DCDC1: variants seen among roughly 807,000 people sequenced by gnomAD.
DCDC1 encodes the protein doublecortin domain containing 1, also known as doublecortin domain-containing protein 1.
In DCDC1, 200 loss-of-function variants were observed where a neutral mutation model predicts 178.3. The ratio of observed to expected loss-of-function variants is 1.12; its 90% confidence interval spans 1.00 to 1.26. The LOEUF is 1.26. Among genes scored for constraint, DCDC1 ranks in the 50% most tolerant of loss-of-function variants. DCDC1 has a pLI of 0.00. For synonymous variants in DCDC1, 690 were observed against 604.8 expected, an observed-to-expected ratio of 1.14 and a Z score of -2.07; for missense variants, 1,983 against 1,749.2, an observed-to-expected ratio of 1.13 and a Z score of -2.38.
intron 7 of DCDC1, among the ~76,000 whole-genome samples, chr11:31,289,401 T>C (rs1947062126): frequency 6.6e-6 from 1 of 152,006 alleles, no homozygotes. Context: ...CTTAATATCA[T>C]AATCAAAATC....
intron 38 of DCDC1, among the ~76,000 whole-genome samples, chr11:30,872,863 G>A (rs599253): frequency 0.012 from 1,770 of 151,768 alleles, 28 homozygotes; most frequent in African/African-American, 0.04. Context: ...ATTTTATTTG[G>A]GTATTTAACT....
intron 20 of DCDC1, among the ~76,000 whole-genome samples, chr11:30,974,602 A>G (rs72882645): frequency 0.014 from 2,077 of 152,244 alleles, 22 homozygotes; most frequent in Non-Finnish European, 0.022. Flanking sequence ...CGCAAACTGG[A>G]AAACCTAGAG....
At chr11:31,090,327 T>C (rs977898573) in intron 17 of DCDC1, among the ~76,000 whole-genome samples, 1 of 152,140 alleles carries the variant, frequency 6.6e-6, no homozygotes, top group African/African-American at 2.4e-5. Flanking sequence ...ACTGACAGTG[T>C]AGTGTTGTGG....
chr11:31,154,848 C>T (rs1389014438), intron 9 of DCDC1, among the ~76,000 whole-genome samples: 3 of 152,128 alleles, frequency 2.0e-5, no homozygotes, highest in Non-Finnish European at 2.9e-5. Context: ...CTCTGGAGCG[C>T]GAGTGTCCAT....
intron 7 of DCDC1, among the ~76,000 whole-genome samples, chr11:31,277,259 C>T (rs1406868267): frequency 1.3e-5 from 2 of 152,004 alleles, no homozygotes; most frequent in South Asian, 2.1e-4. Flanking sequence ...CCACAATGCT[C>T]GTTCCTTTTT....
chr11:31,252,271 A>C (rs1312248559), intron 8 of DCDC1, among the ~76,000 whole-genome samples: 10 of 152,296 alleles, frequency 6.6e-5, no homozygotes, highest in Admixed American at 6.5e-4. Flanking sequence ...GTGACAGATT[A>C]AATATCTGAA....
At chr11:30,868,117 G>A (rs1473799131) in intron 38 of DCDC1, among the ~76,000 whole-genome samples, 1 of 152,060 alleles carries the variant, frequency 6.6e-6, no homozygotes, top group African/African-American at 2.4e-5. Flanking sequence ...TGTGGCTTTA[G>A]TGGAATCAAG....
At chr11:30,872,103 A>T (rs1941637819) in intron 38 of DCDC1, among the ~76,000 whole-genome samples, 1 of 152,000 alleles carries the variant, frequency 6.6e-6, no homozygotes, top group Non-Finnish European at 1.5e-5. Flanking sequence ...AGGCCCTCAT[A>T]ATCAGGCCCA....
intron 8 of DCDC1, 190 bp from the exon 9 acceptor site, chr11:31,241,806 C>G (rs1977169904): frequency 1.1e-5 from 4 of 353,516 alleles, no homozygotes; most frequent in Non-Finnish European, 2.0e-5. Context: ...TATTGAGACA[C>G]CCCCCATGCA....
In DCDC1 at chr11:31,209,327, A is replaced by G. The variant is rs768986819; in HGVS notation, c.1221+32123T>C. 3.0e-4 allele frequency among the ~76,000 whole-genome samples: 46 copies of G among 152,328 alleles called. No homozygotes were observed. The Middle Eastern group carries it at 0.01, about 34-fold the overall frequency. On this transcript the variant is annotated intron_variant, in intron 9 of 38. Coordinates refer to ENST00000684477, the MANE Select transcript of DCDC1 (RefSeq NM_001387274.1). ...CTGGCAAAGGCAGGGAATGGTAGTG[A>G]TTTCTAAAAAGGAGAACACAAGGAA...
chr11:30,934,820 T>G (rs560863370), intron 21 of DCDC1, among the ~76,000 whole-genome samples: 1 of 152,212 alleles, frequency 6.6e-6, no homozygotes, highest in African/African-American at 2.4e-5. Context: ...TTGACCCATT[T>G]GATCCAGGCA....
At chr11:31,003,961 C>T (rs776115919) in intron 20 of DCDC1, among the ~76,000 whole-genome samples, 27 of 152,064 alleles carry the variant, frequency 1.8e-4, no homozygotes, top group African/African-American at 3.6e-4. Context: ...CGAATGATGA[C>T]GGCTAGGTTT....
At chr11:30,950,131 G>A (rs1216843394) in intron 21 of DCDC1, among the ~76,000 whole-genome samples, 1 of 152,068 alleles carries the variant, frequency 6.6e-6, no homozygotes, top group Non-Finnish European at 1.5e-5. Flanking sequence ...ACTGCAATGA[G>A]ATATCATCTC....
At chr11:30,883,399 C>T (rs1276096575) in intron 36 of DCDC1, 2 of 396,906 alleles carry the variant, frequency 5.0e-6, no homozygotes, top group Admixed American at 3.5e-5. Flanking sequence ...TAAACCTATA[C>T]ATTATTGGTG....
At chr11:31,016,433 T>C (rs188694983) in intron 20 of DCDC1, among the ~76,000 whole-genome samples, 94 of 152,302 alleles carry the variant, frequency 6.2e-4, no homozygotes, top group African/African-American at 2.1e-3. Context: ...GTGACATATA[T>C]AAAAGCAGGT....
chr11:30,936,443 G>C (rs1483321785), intron 21 of DCDC1, among the ~76,000 whole-genome samples: 2 of 152,108 alleles, frequency 1.3e-5, no homozygotes, highest in African/African-American at 4.8e-5. Flanking sequence ...ATGCCAAGGG[G>C]TGTGATAATC....
intron 11 of DCDC1, among the ~76,000 whole-genome samples, chr11:31,113,115 T>C (rs1330203165): frequency 1.3e-5 from 2 of 152,150 alleles, no homozygotes; most frequent in Admixed American, 6.5e-5. Context: ...AAACTAGTTA[T>C]GAAATACTCA....
intron 20 of DCDC1, among the ~76,000 whole-genome samples, chr11:31,038,292 T>A (rs1407258): frequency 0.29 from 44,779 of 151,932 alleles, 7,558 homozygotes; most frequent in Non-Finnish European, 0.37. Context: ...ACGAAGCATT[T>A]GGATACCTGG....
At chr11:30,910,423 A>T (rs1455469995) in intron 28 of DCDC1, among the ~76,000 whole-genome samples, 1 of 152,212 alleles carries the variant, frequency 6.6e-6, no homozygotes, top group African/African-American at 2.4e-5. Flanking sequence ...GTCCATATTT[A>T]TCACCAGGAT....
Sources: allele counts gnomAD v4.1 joint callset (sites outside exome capture counted in the v4.1 genomes callset), GRCh38; gene constraint gnomAD v4.1.1; transcripts MANE v1.5; gene names NCBI Gene and HGNC (gene_info 2026-07-23, HGNC 2026-07-21).